The following TTC7B variants were observed in gnomAD, a reference collection of about 807,000 sequenced individuals.
The protein encoded by TTC7B is tetratricopeptide repeat protein 7B.
In TTC7B, 28 loss-of-function variants were observed where a neutral mutation model predicts 106.8. That is an observed-to-expected ratio of 0.26 (90% confidence interval 0.19 to 0.36). TTC7B has a LOEUF of 0.36. Ranked by LOEUF, TTC7B falls within the 10% of genes least tolerant of loss-of-function variation. The probability of loss-of-function intolerance (pLI) is 1.00; values close to 1 mark genes in which losing one functional copy is unlikely to be tolerated. For missense variants in TTC7B, 862 were observed against 1,076.4 expected, an observed-to-expected ratio of 0.80 and a Z score of 2.79; for synonymous variants, 405 against 430.6, an observed-to-expected ratio of 0.94 and a Z score of 0.74.
intron 6 of TTC7B, among the ~76,000 whole-genome samples, chr14:90,695,222 C>A: frequency 7.5e-6 from 1 of 133,290 alleles, no homozygotes; most frequent in Non-Finnish European, 1.6e-5. Flanking sequence ...ATTTTATATA[C>A]ATTTTATTAT....
intron 18 of TTC7B, among the ~76,000 whole-genome samples, chr14:90,587,324 C>G (rs1231695784): frequency 6.6e-6 from 1 of 152,208 alleles, no homozygotes; most frequent in Non-Finnish European, 1.5e-5. Context: ...ACTAAAATAT[C>G]TTAACATGGC....
chr14:90,715,429 T>C (rs564114178), intron 5 of TTC7B, among the ~76,000 whole-genome samples: 8 of 152,210 alleles, frequency 5.3e-5, no homozygotes, highest in Admixed American at 4.6e-4. Flanking sequence ...CCTTTCCCTC[T>C]ATGGGAGCTG....
intron 5 of TTC7B, among the ~76,000 whole-genome samples, chr14:90,705,121 C>G (rs1201235996): frequency 6.6e-6 from 1 of 152,158 alleles, no homozygotes; most frequent in African/African-American, 2.4e-5. Context: ...AAGAAAGTCC[C>G]CACAAGAGAC....
At chr14:90,636,131 A>G (rs1485026823) in intron 15 of TTC7B, among the ~76,000 whole-genome samples, 1 of 152,064 alleles carries the variant, frequency 6.6e-6, no homozygotes, top group Non-Finnish European at 1.5e-5. Flanking sequence ...AAAAAAAAAA[A>G]AAAAGTTCAA....
chr14:90,794,786 G>T (rs1361485683), intron 1 of TTC7B, among the ~76,000 whole-genome samples: 1 of 152,092 alleles, frequency 6.6e-6, no homozygotes, highest in Non-Finnish European at 1.5e-5. Context: ...CTCAAAAAAG[G>T]TGAATTCCCT....
At chr14:90,665,317 G>A (rs573860235) in intron 9 of TTC7B, among the ~76,000 whole-genome samples, 2 of 152,234 alleles carry the variant, frequency 1.3e-5, no homozygotes, top group African/African-American at 4.8e-5. Context: ...ACTCTAAATG[G>A]CATCCTAATC....
At chr14:90,717,666 G>C (rs1888709855) in intron 5 of TTC7B, among the ~76,000 whole-genome samples, 1 of 152,172 alleles carries the variant, frequency 6.6e-6, no homozygotes, top group Admixed American at 6.5e-5. Context: ...AAAGAATAGA[G>C]AGGAAAAGGA....
intron 8 of TTC7B, among the ~76,000 whole-genome samples, chr14:90,677,143 A>C (rs1886875006): frequency 6.6e-6 from 1 of 152,216 alleles, no homozygotes; most frequent in South Asian, 2.1e-4. Context: ...CATGAGTCCT[A>C]CAGAGATATA....
chr14:90,614,787 C>T (rs1044085243), intron 16 of TTC7B, among the ~76,000 whole-genome samples: 2 of 152,204 alleles, frequency 1.3e-5, no homozygotes, highest in South Asian at 2.1e-4. Flanking sequence ...ACAGTGCTGG[C>T]ATGGAGAAGT....
intron 19 of TTC7B, among the ~76,000 whole-genome samples, chr14:90,542,961 C>T (rs1889671740): frequency 6.6e-6 from 1 of 152,228 alleles, no homozygotes; most frequent in African/African-American, 2.4e-5. Flanking sequence ...CAGCCATCAG[C>T]AGTTTCTGTG....
rs575594083 is a variant in TTC7B, at chr14:90,726,735, C to T, written c.698+3340G>A. Among the ~76,000 whole-genome samples, 53 of 152,340 alleles carry T rather than the reference C, an allele frequency of 3.5e-4. 1 individual carries two copies. Among genetic ancestry groups the T allele is most frequent in the Admixed American group, 3.0e-3 (46 of 15,304 alleles). On this transcript the variant is annotated intron_variant, in intron 5 of 19. Transcript: ENST00000328459. Reference sequence around the variant, plus strand: ...GCCCTCACACAAGCGCTTGCTTTGGCGAGGCGACTTGGAGCCCTCAGAGGC... The same window carrying T: ...GCCCTCACACAAGCGCTTGCTTTGGTGAGGCGACTTGGAGCCCTCAGAGGC...
In TTC7B at chr14:90,655,015, C is replaced by A. The variant is rs143077958; in HGVS notation, c.1437G>T (p.Thr479=). ...CACCGTCAGTGGCCTGCAGACTGTA[C>A]GTGAGCCCCAGAGCTAAGTAGCCTT... ...KAKGYLALGL[T]YSLQATDASL... is the part of the protein sequence containing the mutation. Residue 479 remains threonine (T), a synonymous_variant, in exon 12 of 20, where the codon ACG becomes ACT. Coordinates refer to ENST00000328459, the MANE Select transcript of TTC7B (RefSeq NM_001010854.2). 5.0e-6 allele frequency: 8 copies of A among 1,613,864 alleles called. No individual in the cohort carries two copies. The highest frequency in any genetic ancestry group is 5.9e-6 in the Non-Finnish European group (7 of 1,179,828).
chr14:90,777,078 A>C (rs932548716), intron 3 of TTC7B, among the ~76,000 whole-genome samples: 1 of 152,040 alleles, frequency 6.6e-6, no homozygotes, highest in Non-Finnish European at 1.5e-5. Context: ...TCTACTAAAA[A>C]AAAATACAAA....
At chr14:90,725,384 C>G (rs1414118316) in intron 5 of TTC7B, among the ~76,000 whole-genome samples, 1 of 151,734 alleles carries the variant, frequency 6.6e-6, no homozygotes, top group South Asian at 2.1e-4. Flanking sequence ...CAGGAAGCAC[C>G]CTCCTCAGCA....
chr14:90,555,957 C>T (rs1285757754), intron 19 of TTC7B, among the ~76,000 whole-genome samples: 2 of 152,228 alleles, frequency 1.3e-5, no homozygotes, highest in Admixed American at 6.5e-5. Context: ...ATCCCGGTGC[C>T]CCGGGGTCCA....
intron 6 of TTC7B, among the ~76,000 whole-genome samples, 178 bp downstream of exon 6, chr14:90,695,307 TCACATATATTTATAA>T (rs1463786999): frequency 2.7e-5 from 4 of 148,494 alleles, no homozygotes; most frequent in African/African-American, 7.4e-5. Flanking sequence ...TAAATATATG[TCACATATATTTATAA>T]CACATATATG....
intron 9 of TTC7B, among the ~76,000 whole-genome samples, chr14:90,671,990 A>G (rs1293228743): frequency 6.6e-6 from 1 of 152,174 alleles, no homozygotes; most frequent in East Asian, 1.9e-4. Flanking sequence ...TGCACAACAC[A>G]CCCACTGCAC....
In TTC7B at chr14:90,658,323, G is replaced by A. The variant is rs1886038069; in HGVS notation, c.1217C>T (p.Ser406Phe). 1 of 1,613,866 alleles carries A rather than the reference G, an allele frequency of 6.2e-7. No individual in the cohort carries two copies. Among genetic ancestry groups the A allele is most frequent in the South Asian group, 1.1e-5 (1 of 91,078 alleles). The change falls in exon 10 of 20, where the codon TCC becomes TTC. Residue 406 changes from serine (S) to phenylalanine (F), a missense_variant. By Grantham distance (155) the Ser-to-Phe change is radical (BLOSUM62 -2). Transcript: ENST00000328459. ...EFHLWYQFAL[S>F]LMAAGKSARA... Reference sequence around the variant, plus strand: ...ACTCACTTTTCCAGCAGCCATCAGGGACAGAGCAAACTGGTACCACAGGTG... The same window carrying A: ...ACTCACTTTTCCAGCAGCCATCAGGAACAGAGCAAACTGGTACCACAGGTG...
At chr14:90,620,227 T>G (rs1213489347) in intron 15 of TTC7B, among the ~76,000 whole-genome samples, 1 of 151,990 alleles carries the variant, frequency 6.6e-6, no homozygotes, top group South Asian at 2.1e-4. Context: ...TACAAGCAGA[T>G]GAGCATAAAG....
Sources: allele counts gnomAD v4.1 joint callset (sites outside exome capture counted in the v4.1 genomes callset), GRCh38; gene constraint gnomAD v4.1.1; transcripts MANE v1.5; gene names NCBI Gene and HGNC (gene_info 2026-07-23, HGNC 2026-07-21).